Variants in PRR16 observed in about 807,000 individuals in gnomAD.
PRR16 encodes protein Largen.
PRR16 carries 6 observed loss-of-function variants against 18.2 expected under a neutral mutation model. The observed-to-expected ratio is 0.33, with a 90% CI of 0.18 to 0.65. The LOEUF (loss-of-function observed/expected upper bound fraction) is 0.65, where lower values mean the gene tolerates loss of function less well. Ranked by LOEUF, PRR16 falls within the 30% of genes least tolerant of loss-of-function variation. PRR16 has a pLI of 0.74. For synonymous variants in PRR16, 151 were observed against 147.8 expected (o/e 1.02, Z -0.16); for missense variants, 412 against 376.6 (o/e 1.09, Z -0.78).
At chr5:120,765,894 C>T in the PRR16 span, among the ~76,000 whole-genome samples, 1 of 151,850 alleles carries the variant, frequency 6.6e-6, no homozygotes, top group African/African-American at 2.4e-5. Context: ...TTTGAGTGAT[C>T]CTGTGTTTAC....
intron 1 of PRR16, among the ~76,000 whole-genome samples, chr5:120,588,836 C>T (rs1753537864): frequency 6.6e-6 from 1 of 151,548 alleles, no homozygotes; most frequent in African/African-American, 2.4e-5. Context: ...TTTCTCTGTT[C>T]CTAATTTCAT....
the PRR16 span, among the ~76,000 whole-genome samples, chr5:120,760,680 C>T: frequency 6.6e-6 from 1 of 152,058 alleles, no homozygotes; most frequent in Non-Finnish European, 1.5e-5. Context: ...CACATTAGAC[C>T]TTTGTGTAGA....
At chr5:120,539,882 A>G (rs1751854830) in intron 1 of PRR16, among the ~76,000 whole-genome samples, 1 of 152,028 alleles carries the variant, frequency 6.6e-6, no homozygotes, top group South Asian at 2.1e-4. Flanking sequence ...GTAATGGTAG[A>G]GATGACCGAG....
chr5:120,546,220 C>T (rs1263535104), intron 1 of PRR16, among the ~76,000 whole-genome samples: 2 of 152,132 alleles, frequency 1.3e-5, no homozygotes, highest in Non-Finnish European at 2.9e-5. Context: ...CTGATAATTA[C>T]ATCACCACAC....
the PRR16 span, among the ~76,000 whole-genome samples, chr5:120,709,777 A>T: frequency 6.6e-6 from 1 of 152,166 alleles, no homozygotes; most frequent in Non-Finnish European, 1.5e-5. Context: ...TGACATAATA[A>T]TCTCCAGTTT....
chr5:120,652,687 A>T (rs1016514716), intron 1 of PRR16, among the ~76,000 whole-genome samples: 1 of 152,016 alleles, frequency 6.6e-6, no homozygotes, highest in African/African-American at 2.4e-5. Context: ...GGAATATCTG[A>T]GAAATTGAGA....
chr5:120,759,552 CA>C, the PRR16 span, among the ~76,000 whole-genome samples: 2 of 151,940 alleles, frequency 1.3e-5, no homozygotes, highest in Non-Finnish European at 2.9e-5. Context: ...ATATGAAGCA[CA>C]AGATTTTGTC....
At chr5:120,500,817 CAAAGT>C (rs1198924988) in intron 1 of PRR16, among the ~76,000 whole-genome samples, 1 of 152,066 alleles carries the variant, frequency 6.6e-6, no homozygotes, top group Non-Finnish European at 1.5e-5. Flanking sequence ...TTAAGCATGA[CAAAGT>C]AAATCCATGA....
At chr5:120,543,408 A>G (rs967428970) in intron 1 of PRR16, among the ~76,000 whole-genome samples, 4 of 152,138 alleles carry the variant, frequency 2.6e-5, no homozygotes, top group African/African-American at 9.7e-5. Context: ...GTCAAATTAT[A>G]TTATGGAAAC....
the PRR16 span, among the ~76,000 whole-genome samples, chr5:120,775,629 C>A: frequency 6.7e-6 from 1 of 148,566 alleles, no homozygotes; most frequent in East Asian, 2.0e-4. Flanking sequence ...CTTTTTCTTT[C>A]TCCTTTTTTT....
chr5:120,653,647 T>C (rs1393160568), intron 1 of PRR16, among the ~76,000 whole-genome samples: 2 of 152,026 alleles, frequency 1.3e-5, no homozygotes, highest in Non-Finnish European at 2.9e-5. Context: ...ATGGTGAGTG[T>C]ACTTCTGTAA....
chr5:120,791,528 C>A, the PRR16 span, among the ~76,000 whole-genome samples: 2 of 151,760 alleles, frequency 1.3e-5, no homozygotes, highest in Admixed American at 6.6e-5. Flanking sequence ...AAAAAAAGGT[C>A]ACTAATCCTA....
chr5:120,666,625 T>C (rs533129861), intron 1 of PRR16, among the ~76,000 whole-genome samples: 1 of 152,288 alleles, frequency 6.6e-6, no homozygotes, highest in African/African-American at 2.4e-5. Context: ...TATTTTGAGC[T>C]ATGTCCCATC....
downstream of PRR16, among the ~76,000 whole-genome samples, chr5:120,687,618 T>C (rs1206216162): frequency 1.3e-5 from 2 of 152,194 alleles, no homozygotes; most frequent in South Asian, 2.1e-4. Context: ...TTTTGCCTCC[T>C]GCATTAGCAA....
At chr5:120,507,603 A>G (rs1264743205) in intron 1 of PRR16, among the ~76,000 whole-genome samples, 2 of 152,148 alleles carry the variant, frequency 1.3e-5, no homozygotes, top group Non-Finnish European at 2.9e-5. Flanking sequence ...TTGTATATAT[A>G]AAGCCTGAAG....
intron 1 of PRR16, among the ~76,000 whole-genome samples, chr5:120,604,558 T>C (rs1167984999): frequency 2.0e-5 from 3 of 152,158 alleles, no homozygotes; most frequent in Admixed American, 2.0e-4. Context: ...TCAAGTTCAA[T>C]ATTGGTATGT....
intron 1 of PRR16, among the ~76,000 whole-genome samples, chr5:120,537,639 C>T (rs996865611): frequency 2.0e-5 from 3 of 149,176 alleles, no homozygotes; most frequent in Non-Finnish European, 3.0e-5. Context: ...TTACCTTGCC[C>T]ATGACTGAAG....
At chr5:120,674,949 A>G (rs1410384973) in intron 1 of PRR16, among the ~76,000 whole-genome samples, 1 of 151,686 alleles carries the variant, frequency 6.6e-6, no homozygotes, top group Non-Finnish European at 1.5e-5. Context: ...TTTTTTACGT[A>G]TGTGTTATTA....
At chr5:120,482,790 C>T (rs1749662212) in intron 1 of PRR16, among the ~76,000 whole-genome samples, 1 of 152,086 alleles carries the variant, frequency 6.6e-6, no homozygotes, top group South Asian at 2.1e-4. Context: ...ACCCTGTTAG[C>T]TTACCATAGT....
Sources: gnomAD v4.1 joint callset for allele counts (sites outside exome capture counted in the v4.1 genomes callset) on GRCh38, gnomAD v4.1.1 for gene constraint, MANE v1.5 for transcripts, NCBI Gene and HGNC (gene_info 2026-07-23, HGNC 2026-07-21) for gene names.